Variants in DYM observed in about 807,000 individuals in gnomAD.
The protein encoded by DYM is dyggve-Melchior-Clausen syndrome protein.
Under a neutral mutation model 93.1 loss-of-function variants are expected in DYM, and 78 were observed. The ratio of observed to expected loss-of-function variants is 0.84; its 90% CI spans 0.70 to 1.01. The LOEUF (loss-of-function observed/expected upper bound fraction) is 1.01, where lower values mean the gene tolerates loss of function less well. Among genes scored for constraint, DYM ranks in the 50% least tolerant of loss-of-function variants. The pLI, the probability that DYM is intolerant of heterozygous loss-of-function variation, is 0.00. For missense variants in DYM, 789 were observed against 845.0 expected (o/e 0.93, Z 0.82); for synonymous variants, 321 against 319.7 (o/e 1.00, Z -0.04).
chr18:49,061,896 C>G (rs562754282), intron 17 of DYM, among the ~76,000 whole-genome samples: 35 of 152,308 alleles, frequency 2.3e-4, no homozygotes, highest in African/African-American at 7.9e-4. Flanking sequence ...TCCCTAGAAA[C>G]AAAAGAGCAC....
intron 17 of DYM, among the ~76,000 whole-genome samples, chr18:49,058,214 T>G (rs2144576082): frequency 6.6e-6 from 1 of 152,294 alleles, no homozygotes; most frequent in African/African-American, 2.4e-5. Flanking sequence ...GATGAAGCAT[T>G]TGGAGATCTC....
At chr18:49,160,788 G>A (rs1253010870) in intron 15 of DYM, among the ~76,000 whole-genome samples, 1 of 152,144 alleles carries the variant, frequency 6.6e-6, no homozygotes, top group African/African-American at 2.4e-5. Flanking sequence ...TAATGTAAAA[G>A]AGAAAATGGT....
At chr18:49,418,586 G>T (rs1408029192) in intron 2 of DYM, among the ~76,000 whole-genome samples, 1 of 152,144 alleles carries the variant, frequency 6.6e-6, no homozygotes, top group East Asian at 1.9e-4. Flanking sequence ...GGCCTTATTA[G>T]TATTTCTAAA....
chr18:49,258,955 A>G (rs1044538169), intron 11 of DYM, among the ~76,000 whole-genome samples: 3 of 139,318 alleles, frequency 2.2e-5, no homozygotes, highest in African/African-American at 8.0e-5. Flanking sequence ...GCTGCCCCAA[A>G]GAAAGAGGTA....
chr18:49,284,444 T>G (rs922854388), intron 9 of DYM, among the ~76,000 whole-genome samples: 1 of 152,206 alleles, frequency 6.6e-6, no homozygotes, highest in Non-Finnish European at 1.5e-5. Context: ...CCAAGCAAAG[T>G]TCAGCCCTAA....
At chr18:49,203,936 C>A (rs2145971001) in intron 14 of DYM, among the ~76,000 whole-genome samples, 1 of 1,704 alleles carries the variant, frequency 5.9e-4, no homozygotes, top group Non-Finnish European at 3.8e-3. Context: ...GGCAGAGCTG[C>A]CACATTAGCT....
At chr18:49,117,996 C>CTTTTTTT (rs35936099) in intron 16 of DYM, among the ~76,000 whole-genome samples, 249 of 53,450 alleles carry the variant, frequency 4.7e-3, no homozygotes, top group African/African-American at 7.5e-3. Flanking sequence ...TGTGCCCAGC[C>CTTTTTTT]TTTTTTTTTT....
At chr18:49,398,036 T>C (rs1381801538) in intron 2 of DYM, among the ~76,000 whole-genome samples, 2 of 152,178 alleles carry the variant, frequency 1.3e-5, no homozygotes, top group African/African-American at 4.8e-5. Flanking sequence ...CACACAAAGC[T>C]AAGACTTACT....
chr18:49,081,728 T>C lies in DYM; in HGVS notation c.2025+15674A>G, dbSNP rs72642439. On this transcript the variant is annotated intron_variant, in intron 17 of 17. Coordinates refer to ENST00000675505, the MANE Select transcript of DYM (RefSeq NM_001353214.3). ...GTTTAAGGATTCCTTTCTCTGACTC[T>C]TTCTCTTCTGGGATTCCTCCACTAT... Among the ~76,000 whole-genome samples the C allele has an allele frequency of 7.5e-3, 1,139 of 152,354 alleles. 31 individuals carry two copies. In the East Asian group the frequency reaches 0.089, roughly 12 times the overall value.
At chr18:49,047,516 C>T (rs1386854952) in intron 17 of DYM, among the ~76,000 whole-genome samples, 3 of 152,164 alleles carry the variant, frequency 2.0e-5, no homozygotes, top group Non-Finnish European at 2.9e-5. Flanking sequence ...CTTTATTTTT[C>T]TTTCTTTATT....
At chr18:49,291,480 T>C (rs1201085635) in intron 8 of DYM, among the ~76,000 whole-genome samples, 2 of 152,140 alleles carry the variant, frequency 1.3e-5, no homozygotes, top group Admixed American at 1.3e-4. Flanking sequence ...GGAGCTGTTA[T>C]GGGGGAAGGG....
rs574773445 is a variant in DYM, at chr18:49,385,342, TG to T, written c.194-5585del. On this transcript the variant is annotated intron_variant, in intron 3 of 17. Coordinates refer to ENST00000675505, the MANE Select transcript of DYM (RefSeq NM_001353214.3). ...CCTGGCTCTCACCACATCATCCTAG[TG>T]GGTTAAGAACTAGGACAAAGAAGGA... 2.0e-5 allele frequency among the ~76,000 whole-genome samples: 3 copies of T among 152,272 alleles called. No homozygotes were observed. In the East Asian group the frequency reaches 5.8e-4, roughly 29 times the overall value.
At chr18:49,414,541 T>A (rs2072680046) in intron 2 of DYM, among the ~76,000 whole-genome samples, 1 of 152,200 alleles carries the variant, frequency 6.6e-6, no homozygotes, top group Non-Finnish European at 1.5e-5. Context: ...CAAGTCCTTA[T>A]GTTATTTGTT....
chr18:49,180,774 G>C (rs932542269), intron 14 of DYM, among the ~76,000 whole-genome samples: 1 of 152,120 alleles, frequency 6.6e-6, no homozygotes, highest in African/African-American at 2.4e-5. Context: ...ATTTTTCTGA[G>C]ACTCAGTTTC....
At chr18:49,191,492 C>T (rs937547026) in intron 14 of DYM, among the ~76,000 whole-genome samples, 1 of 151,926 alleles carries the variant, frequency 6.6e-6, no homozygotes, top group African/African-American at 2.4e-5. Flanking sequence ...TTGGATACAA[C>T]ACCATGAAAT....
chr18:49,339,566 G>C (rs1308386380), intron 6 of DYM, among the ~76,000 whole-genome samples: 1 of 152,152 alleles, frequency 6.6e-6, no homozygotes, highest in Non-Finnish European at 1.5e-5. Flanking sequence ...GAGGAACTGA[G>C]GTCCTCAGTC....
At chr18:49,243,666 C>CAAAAAAAAA (rs59748721) in intron 13 of DYM, among the ~76,000 whole-genome samples, 1 of 114,188 alleles carries the variant, frequency 8.8e-6, no homozygotes, top group Non-Finnish European at 1.7e-5. Context: ...GGCTCTGTCT[C>CAAAAAAAAA]AAAAAAAAAA....
chr18:49,080,342 C>G (rs1481947340), intron 17 of DYM, among the ~76,000 whole-genome samples: 2 of 136,360 alleles, frequency 1.5e-5, no homozygotes, highest in East Asian at 4.7e-4. Context: ...GGGGCTGACC[C>G]CCCCCAACTC....
intron 17 of DYM, among the ~76,000 whole-genome samples, chr18:49,060,695 GAGACGGA>G (rs2075898726): frequency 2.6e-5 from 2 of 77,600 alleles, no homozygotes; most frequent in Non-Finnish European, 5.4e-5. Flanking sequence ...GGAGGGGGGA[GAGACGGA>G]GGGGGAGAGA....
Sources: allele counts gnomAD v4.1 joint callset (sites outside exome capture counted in the v4.1 genomes callset), GRCh38; gene constraint gnomAD v4.1.1; transcripts MANE v1.5; gene names NCBI Gene and HGNC (gene_info 2026-07-23, HGNC 2026-07-21).